IRF3: variants seen among roughly 807,000 people sequenced by gnomAD.
IRF3 encodes interferon regulatory factor 3.
IRF3 carries 29 observed loss-of-function variants against 43.2 expected under a neutral mutation model. The observed-to-expected ratio is 0.67, with a 90% CI of 0.50 to 0.91. The LOEUF (loss-of-function observed/expected upper bound fraction) is 0.91. Among genes scored for constraint, IRF3 ranks in the 40% least tolerant of loss-of-function variants. The probability of loss-of-function intolerance (pLI) is 0.00; values close to 1 mark genes in which losing one functional copy is unlikely to be tolerated. For synonymous variants in IRF3, 228 were observed against 233.9 expected, an observed-to-expected ratio of 0.97 and a Z score of 0.23; for missense variants, 505 against 559.1, an observed-to-expected ratio of 0.90 and a Z score of 0.98.
In IRF3 at chr19:49,659,768, C is replaced by G. The variant is rs199714714; in HGVS notation, c.1164G>C (p.Glu388Asp). ...TGGAAATGTGCAGGTCCACAGTATT[C>G]TCCAGGGAGGAGGCACCCCCTACCC... The part of the protein sequence containing the change: ...MARVGGASSL[E>D]NTVDLHISNS... Residue 388 changes from glutamate (E) to aspartate (D), a missense_variant, in exon 8 of 8, where the codon GAG becomes GAC. By Grantham distance (45) the Glu-to-Asp change is conservative. Coordinates refer to ENST00000377139, the MANE Select transcript of IRF3 (RefSeq NM_001571.6). The G allele has an allele frequency of 1.2e-6, 2 of 1,613,230 alleles. No homozygotes were observed. Among genetic ancestry groups the G allele is most frequent in the African/African-American group, 2.7e-5 (2 of 74,860 alleles).
rs1175436919 is a variant in IRF3, at chr19:49,665,759, T to G, written c.-137A>C. 6.5e-7 allele frequency: 1 copy of G among 1,539,252 alleles called. No individual in the cohort carries two copies. Among genetic ancestry groups the G allele is most frequent in the African/African-American group, 1.4e-5 (1 of 72,654 alleles). On this transcript the variant is annotated 5_prime_UTR_variant, in exon 1 of 8. Coordinates refer to ENST00000377139, the MANE Select transcript of IRF3 (RefSeq NM_001571.6). The stretch of plus-strand genomic sequence containing the variant: ...TGAGCTCTAGAGCGCTGGGGCTTTC[T>G]TTTTGATCGACTTCTTGAAATAAAA...
chr19:49,659,882 C>T, intron 7 of IRF3, 49 bp from the exon 8 acceptor site: 1 of 1,535,686 alleles, frequency 6.5e-7, no homozygotes, highest in Non-Finnish European at 8.8e-7. Flanking sequence ...CAGCCACTGT[C>T]CACCAAGGTA....
chr19:49,663,196 CAGA>C lies in IRF3; in HGVS notation c.397_399del (p.Ser133del), dbSNP rs773999528. The C allele has an allele frequency of 7.4e-6, 12 of 1,613,814 alleles. No individual in the cohort carries two copies. Among genetic ancestry groups the C allele is most frequent in the Non-Finnish European group, 1.0e-5 (12 of 1,179,868 alleles). On this transcript the variant is annotated inframe_deletion, in exon 4 of 8. Coordinates refer to ENST00000377139, the MANE Select transcript of IRF3 (RefSeq NM_001571.6). ...GTTGGGCACATTCTCACCTGGGTAT[CAGA>C]AGTACTGCCTCCACCATTGGTGTCC...
chr19:49,665,456 T>A (rs985344763), intron 1 of IRF3, 175 bp downstream of exon 1: 1 of 203,412 alleles, frequency 4.9e-6, no homozygotes, highest in Non-Finnish European at 1.0e-5. Flanking sequence ...CTTTCCTCCC[T>A]ACTTTTTCTA....
chr19:49,660,875 C>G, intron 6 of IRF3, 47 bp from the exon 7 acceptor site: 4 of 1,550,360 alleles, frequency 2.6e-6, no homozygotes, highest in Non-Finnish European at 3.5e-6. Flanking sequence ...GACCCTCTAC[C>G]CACCCTTCCC....
intron 2 of IRF3, 32 bp downstream of exon 2, chr19:49,664,642 G>A (rs1380135497): frequency 6.2e-7 from 1 of 1,607,122 alleles, no homozygotes; most frequent in Non-Finnish European, 8.5e-7. Context: ...GCGCAGCTCC[G>A]GGTTTCCAGC....
At chr19:49,659,865 A>G in intron 7 of IRF3, 32 bp from the exon 8 acceptor site, 2 of 1,548,732 alleles carry the variant, frequency 1.3e-6, no homozygotes, top group Non-Finnish European at 1.7e-6. Flanking sequence ...GAGTCAGGGA[A>G]AACACCCAGC....
chr19:49,661,036 G>T (rs369719708), intron 6 of IRF3: 2 of 561,288 alleles, frequency 3.6e-6, no homozygotes, highest in East Asian at 6.4e-5. Context: ...ACACCCCCAA[G>T]CCCCCAAGCC....
At position 49,662,013 on chromosome 19, in the gene IRF3, C is replaced by A; in HGVS notation, c.917G>T (p.Gly306Val). The A allele has an allele frequency of 6.2e-7, 1 of 1,614,034 alleles. No homozygotes were observed. The highest frequency in any genetic ancestry group is 2.2e-5 in the East Asian group (1 of 44,872). The change falls in exon 6 of 8, where the codon GGG becomes GTG. Residue 306 changes from glycine (G) to valine (V), a missense_variant. Physicochemically the swap from Gly to Val is moderately radical, Grantham distance 109. Transcript: ENST00000377139. ...GTCCTTGGGGACCTCGCCATCAGGCCCATGCCCGCTGTTGGGGAGCAGCTC... is the reference window on the plus strand; with the variant it reads ...GTCCTTGGGGACCTCGCCATCAGGCACATGCCCGCTGTTGGGGAGCAGCTC... ...SEELLPNSGH[G>V]PDGEVPKDKE...
In IRF3 at chr19:49,663,185, C is replaced by T. The variant is rs185945607; in HGVS notation, c.408+3G>A. 56 of 1,613,560 alleles carry T rather than the reference C, an allele frequency of 3.5e-5. No homozygotes were observed. In the Admixed American group the frequency reaches 5.8e-4, roughly 17 times the overall value. On this transcript the variant is annotated splice_donor_region_variant and intron_variant, in intron 4 of 7. Transcript: ENST00000377139. ...GGGGCATGAAAGTTGGGCACATTCT[C>T]ACCTGGGTATCAGAAGTACTGCCTC...
At chr19:49,661,167 G>A (rs1408847436) in intron 6 of IRF3, among the ~76,000 whole-genome samples, 1 of 152,200 alleles carries the variant, frequency 6.6e-6, no homozygotes, top group Non-Finnish European at 1.5e-5. Flanking sequence ...GCAGCCATTA[G>A]TCATGTAAGG....
chr19:49,659,984 T>TACACACACACACACACAC lies in IRF3; in HGVS notation c.1099-169_1099-152dup, dbSNP rs5828408. ...CTAGGGCTGCTGGGAGTTGTAGTTT[T>TACACACACACACACACAC]ACACACACACACACACACACACACA... On this transcript the variant is annotated intron_variant, in intron 7 of 7. Transcript: ENST00000377139. 8.0e-4 allele frequency: 259 copies of TACACACACACACACACAC among 323,910 alleles called. 1 individual carries two copies. Among genetic ancestry groups the TACACACACACACACACAC allele is most frequent in the East Asian group, 2.4e-3 (46 of 18,802 alleles). The allele number at this position is 323,910 out of a possible 1,614,324, so 20.1% of individuals were successfully genotyped here.
At chr19:49,663,650 A>C in intron 2 of IRF3, 136 bp from the exon 3 acceptor site, 9 of 768,482 alleles carry the variant, frequency 1.2e-5, no homozygotes, top group Non-Finnish European at 1.8e-5. Context: ...CCATCCCCAA[A>C]TCCCCCCGTC....
In IRF3 at chr19:49,665,688, C is replaced by G; in HGVS notation, c.-66G>C. 8.1e-7 allele frequency: 1 copy of G among 1,233,492 alleles called. No homozygotes were observed. The highest frequency in any genetic ancestry group is 1.1e-6 in the Non-Finnish European group (1 of 897,638). 76.4% of individuals were successfully genotyped at this position (1,233,492 alleles called of 1,614,324 possible). ...GGAACCCACCCCTGTCTTGGAGCTC[C>G]GGGTAGCTCTCAAACTCGAGGCTGC... On this transcript the variant is annotated 5_prime_UTR_variant, in exon 1 of 8. Coordinates refer to ENST00000377139, the MANE Select transcript of IRF3 (RefSeq NM_001571.6).
chr19:49,663,143 G>C, intron 4 of IRF3, 45 bp downstream of exon 4: 1 of 1,520,304 alleles, frequency 6.6e-7, no homozygotes, highest in South Asian at 1.1e-5. Context: ...GGCCCATGGA[G>C]ACAGGTCGGA....
chr19:49,659,984 TACAC>T (rs5828408), intron 7 of IRF3, 151 bp from the exon 8 acceptor site: 22,978 of 322,062 alleles, frequency 0.071, 552 homozygotes, highest in Admixed American at 0.1. Flanking sequence ...GTTGTAGTTT[TACAC>T]ACACACACAC....
intron 7 of IRF3, among the ~76,000 whole-genome samples, 194 bp from the exon 8 acceptor site, chr19:49,660,027 A>ACACACACCCC (rs57168131): frequency 1.3e-5 from 1 of 74,750 alleles, no homozygotes; most frequent in African/African-American, 9.8e-5. Flanking sequence ...ACACACACAC[A>ACACACACCCC]CCCCCTGCTG....
intron 6 of IRF3, chr19:49,661,079 C>G (rs1393094339): frequency 2.0e-6 from 1 of 494,764 alleles, no homozygotes; most frequent in Non-Finnish European, 3.6e-6. Flanking sequence ...AGTAGGGGGC[C>G]CATGCTCCCA....
rs570584390 is a variant in IRF3 at position 49,662,168 on chromosome 19, G to A, written c.762C>T (p.Asp254=). 2.5e-6 allele frequency: 4 copies of A among 1,614,048 alleles called. No individual in the cohort carries two copies. In the African/African-American group the frequency reaches 4.0e-5, roughly 16 times the overall value. Residue 254 remains aspartate, a synonymous_variant, in exon 6 of 8, where the codon GAC becomes GAT. Transcript: ENST00000377139. ...TLPDPGMSLT[D]RGVMSYVRHV... is the part of the protein sequence containing the mutation. ...GCCTCACGTAGCTCATCACTCCCCT[G>A]TCTGTCAGGGACATGCCAGGGTCTG...
Sources: allele counts gnomAD v4.1 joint callset (sites outside exome capture counted in the v4.1 genomes callset), GRCh38; gene constraint gnomAD v4.1.1; transcripts MANE v1.5; gene names NCBI Gene and HGNC (gene_info 2026-07-23, HGNC 2026-07-21).